YAP1: variants seen among roughly 807,000 people sequenced by gnomAD.
YAP1 encodes the protein Yes1 associated transcriptional regulator.
Under a neutral mutation model 56.9 loss-of-function variants are expected in YAP1, and 5 were observed. That is an observed-to-expected ratio of 0.09 (90% CI 0.05 to 0.18). The LOEUF (loss-of-function observed/expected upper bound fraction) is 0.18. Among genes scored for constraint, YAP1 ranks in the 10% least tolerant of loss-of-function variants. YAP1 has a pLI of 1.00. For missense variants in YAP1, 539 were observed against 651.8 expected (o/e 0.83, Z 1.88); for synonymous variants, 265 against 248.1 (o/e 1.07, Z -0.64).
At chr11:102,169,649 G>T (rs1242525471) in intron 3 of YAP1, among the ~76,000 whole-genome samples, 2 of 151,830 alleles carry the variant, frequency 1.3e-5, no homozygotes, top group African/African-American at 2.4e-5. Context: ...TATTTTTTTT[G>T]AACAAAATTG....
intron 4 of YAP1, among the ~76,000 whole-genome samples, chr11:102,202,355 A>G (rs898861738): frequency 9.3e-6 from 1 of 107,800 alleles, no homozygotes; most frequent in Non-Finnish European, 1.9e-5. Context: ...TTTTTTTGGT[A>G]TTTTTAGTAG....
At chr11:102,187,595 G>A (rs975452186) in intron 4 of YAP1, among the ~76,000 whole-genome samples, 6 of 152,042 alleles carry the variant, frequency 3.9e-5, no homozygotes, top group African/African-American at 4.8e-5. Flanking sequence ...ATGGTGTTGC[G>A]GAATTTTTTT....
intron 4 of YAP1, among the ~76,000 whole-genome samples, chr11:102,193,723 A>G (rs1334988219): frequency 6.6e-6 from 1 of 152,374 alleles, no homozygotes; most frequent in East Asian, 1.9e-4. Flanking sequence ...GTTTAAGACC[A>G]GCAACGTCAA....
At chr11:102,222,829 T>C (rs77866977) in intron 6 of YAP1, among the ~76,000 whole-genome samples, 1,705 of 152,018 alleles carry the variant, frequency 0.011, 11 homozygotes, top group Non-Finnish European at 0.017. Context: ...GATTGGTGTC[T>C]TATAGTAAAA....
intron 2 of YAP1, among the ~76,000 whole-genome samples, chr11:102,133,299 T>C (rs1944476423): frequency 6.6e-6 from 1 of 152,132 alleles, no homozygotes; most frequent in Non-Finnish European, 1.5e-5. Flanking sequence ...GCACACAGAA[T>C]TTTTGGGTTT....
intron 1 of YAP1, chr11:102,112,611 A>G: frequency 6.1e-6 from 6 of 985,004 alleles, no homozygotes; most frequent in Non-Finnish European, 6.0e-6. Context: ...CCTGTTGTAT[A>G]GTCTCCTGTC....
chr11:102,186,065 A>C lies in YAP1; in HGVS notation c.736A>C (p.Ile246Leu). ...ACAAGCCATGACTCAGGATGGAGAAATTTACTATATAAACCATAAGAACAA... is the reference window on the plus strand; with the variant it reads ...ACAAGCCATGACTCAGGATGGAGAACTTTACTATATAAACCATAAGAACAA... ...WEQAMTQDGE[I>L]YYINHKNKTT... The change falls in exon 4 of 9, where the codon ATT becomes CTT. Residue 246 changes from isoleucine to leucine, a missense_variant. Coordinates refer to ENST00000282441, the MANE Select transcript of YAP1 (RefSeq NM_001130145.3). 2 of 1,612,582 alleles carry C rather than the reference A, an allele frequency of 1.2e-6. No homozygotes were observed. The highest frequency in any genetic ancestry group is 1.7e-6 in the Non-Finnish European group (2 of 1,179,514).
intron 3 of YAP1, among the ~76,000 whole-genome samples, chr11:102,164,399 GTTTT>G (rs1039981093): frequency 1.3e-5 from 2 of 152,050 alleles, no homozygotes; most frequent in Non-Finnish European, 2.9e-5. Context: ...CAACTATTAT[GTTTT>G]TTTATTACCA....
chr11:102,208,982 G>A (rs117496742), intron 5 of YAP1, among the ~76,000 whole-genome samples: 1,918 of 152,218 alleles, frequency 0.013, 15 homozygotes, highest in Non-Finnish European at 0.021. Context: ...GATGGGTCCT[G>A]GACAGAATAG....
rs896343078 is a variant in YAP1 at position 102,223,543 on chromosome 11, T to G, written c.1033-79T>G. 2.3e-5 allele frequency: 34 copies of G among 1,489,526 alleles called. No individual in the cohort carries two copies. In the African/African-American group the frequency reaches 4.8e-4, roughly 21 times the overall value. 92.3% of individuals were successfully genotyped at this position (1,489,526 alleles called of 1,614,324 possible). A position where few individuals can be genotyped will look rare whatever the true frequency, so the allele number is the denominator to read the frequency against. On this transcript the variant is annotated intron_variant, in intron 6 of 8. Transcript: ENST00000282441. ...TAATCTATCTGCACGGTTACTCTGA[T>G]GAACGTTTTATTTCTTTAAACCTAA...
intron 2 of YAP1, among the ~76,000 whole-genome samples, chr11:102,118,486 CAG>C (rs1171329041): frequency 2.4e-4 from 30 of 125,808 alleles, no homozygotes; most frequent in African/African-American, 3.7e-4. Flanking sequence ...TTTTTTGAGA[CAG>C]AGTCTTGCTC....
intron 3 of YAP1, among the ~76,000 whole-genome samples, chr11:102,179,162 C>T (rs1591332715): frequency 6.6e-6 from 1 of 150,940 alleles, no homozygotes; most frequent in East Asian, 2.0e-4. Context: ...CTCTTTACGT[C>T]TCATTAAAAT....
chr11:102,163,989 G>A (rs1451225016), intron 3 of YAP1, among the ~76,000 whole-genome samples: 4 of 151,694 alleles, frequency 2.6e-5, no homozygotes, highest in South Asian at 2.1e-4. Flanking sequence ...ATTATACTAC[G>A]AATACATTCT....
At chr11:102,115,913 G>A (rs10895257) in intron 2 of YAP1, among the ~76,000 whole-genome samples, 35,302 of 152,148 alleles carry the variant, frequency 0.23, 4,206 homozygotes, top group East Asian at 0.32. Flanking sequence ...TTGTTAAACA[G>A]CTTAATAGCC....
chr11:102,134,949 G>C lies in YAP1; in HGVS notation c.572+20555G>C, dbSNP rs943676571. On this transcript the variant is annotated intron_variant, in intron 2 of 8. Transcript: ENST00000282441. ...GTTGGAGTGCAGTGGCGCAGCCTCAGCTCACTGCAACCTCTGCCTCCTTGG... is the reference window on the plus strand; with the variant it reads ...GTTGGAGTGCAGTGGCGCAGCCTCACCTCACTGCAACCTCTGCCTCCTTGG... 2.0e-5 allele frequency among the ~76,000 whole-genome samples: 3 copies of C among 152,182 alleles called. No individual in the cohort carries two copies. The East Asian group carries it at 5.8e-4, about 29-fold the overall frequency.
At chr11:102,173,156 G>A (rs757729672) in intron 3 of YAP1, among the ~76,000 whole-genome samples, 47 of 152,168 alleles carry the variant, frequency 3.1e-4, no homozygotes, top group Non-Finnish European at 6.5e-4. Context: ...ACTAGTGGAC[G>A]AGTGGGAAGT....
At chr11:102,202,485 T>TC in intron 4 of YAP1, among the ~76,000 whole-genome samples, 1 of 152,062 alleles carries the variant, frequency 6.6e-6, no homozygotes, top group East Asian at 1.9e-4. Context: ...GGCCGATTTT[T>TC]TTTTTTTTAA....
At chr11:102,174,712 A>G (rs1347874837) in intron 3 of YAP1, among the ~76,000 whole-genome samples, 1 of 152,142 alleles carries the variant, frequency 6.6e-6, no homozygotes, top group Non-Finnish European at 1.5e-5. Flanking sequence ...CTTTGGTTGT[A>G]TTTGGTGGCA....
chr11:102,121,547 G>A (rs1255638688), intron 2 of YAP1, among the ~76,000 whole-genome samples: 1 of 152,138 alleles, frequency 6.6e-6, no homozygotes, highest in African/African-American at 2.4e-5. Context: ...TCTGGAATGT[G>A]AATCCTCTCT....
Sources: allele counts gnomAD v4.1 joint callset (sites outside exome capture counted in the v4.1 genomes callset), GRCh38; gene constraint gnomAD v4.1.1; transcripts MANE v1.5; gene names NCBI Gene and HGNC (gene_info 2026-07-23, HGNC 2026-07-21).